The following ABHD2 variants were observed in gnomAD, a reference collection of about 807,000 sequenced individuals.
The protein encoded by ABHD2 is monoacylglycerol lipase ABHD2.
A neutral mutation model predicts 48.1 loss-of-function variants in ABHD2; 20 were observed. The ratio of observed to expected loss-of-function variants is 0.42; its 90% CI spans 0.29 to 0.60. The LOEUF (loss-of-function observed/expected upper bound fraction) is 0.60. Among genes scored for constraint, ABHD2 ranks in the 20% least tolerant of loss-of-function variants. The probability of loss-of-function intolerance (pLI) is 0.24; values close to 1 mark genes in which losing one functional copy is unlikely to be tolerated. For missense variants in ABHD2, 405 were observed against 550.9 expected, an observed-to-expected ratio of 0.74 and a Z score of 2.65; for synonymous variants, 209 against 214.2, an observed-to-expected ratio of 0.98 and a Z score of 0.21.
At chr15:89,077,117 C>T in the ABHD2 span, among the ~76,000 whole-genome samples, 3 of 152,216 alleles carry the variant, frequency 2.0e-5, no homozygotes, top group Non-Finnish European at 4.4e-5. Context: ...AGGAACAGGG[C>T]ATCACTGGCA....
chr15:89,061,245 C>T, the ABHD2 span, among the ~76,000 whole-genome samples: 1 of 152,078 alleles, frequency 6.6e-6, no homozygotes. Context: ...TGGTGAAACC[C>T]CATCTCTACT....
chr15:89,045,237 G>A, the ABHD2 span, among the ~76,000 whole-genome samples: 1 of 151,654 alleles, frequency 6.6e-6, no homozygotes, highest in East Asian at 1.9e-4. Context: ...TTATTTCTGA[G>A]GGCTCTGTTC....
At position 89,176,867 on chromosome 15, in the gene ABHD2, C is replaced by T. The variant is rs967281854; in HGVS notation, c.722+872C>T. 2.0e-5 allele frequency among the ~76,000 whole-genome samples: 3 copies of T among 152,210 alleles called. No homozygotes were observed. The highest frequency in any genetic ancestry group is 7.2e-5 in the African/African-American group (3 of 41,456). ...CCTATTGATCCAGTCTAATGCCAAA[C>T]AGTCCTTATCGTTATTCAAAGAATC... On this transcript the variant is annotated intron_variant, in intron 6 of 10. Coordinates refer to ENST00000352732, the MANE Select transcript of ABHD2 (RefSeq NM_152924.5). The surrounding 1 kb of genome is among the most constrained non-coding windows in gnomAD (Gnocchi z 4.5).
the ABHD2 span, among the ~76,000 whole-genome samples, chr15:89,045,534 A>G: frequency 1.3e-5 from 2 of 152,238 alleles, no homozygotes; most frequent in African/African-American, 4.8e-5. Context: ...ACTCATGAGC[A>G]TGGAGTGTTC....
intron 5 of ABHD2, among the ~76,000 whole-genome samples, chr15:89,157,259 A>G (rs2050689631): frequency 6.6e-6 from 1 of 152,236 alleles, no homozygotes; most frequent in Non-Finnish European, 1.5e-5. Flanking sequence ...TGCCCAGTAA[A>G]ATTGCAGAGT....
chr15:89,107,595 A>G (rs968278529), intron 1 of ABHD2, among the ~76,000 whole-genome samples: 1 of 152,212 alleles, frequency 6.6e-6, no homozygotes. Flanking sequence ...TTGTTTTAAA[A>G]TGCTCTTTAT....
chr15:89,166,949 C>G lies in ABHD2; in HGVS notation c.539-8863C>G, dbSNP rs2050846712. Among the ~76,000 whole-genome samples, 1 of 152,182 alleles carries G rather than the reference C, an allele frequency of 6.6e-6. No homozygotes were observed. The highest frequency in any genetic ancestry group is 1.5e-5 in the Non-Finnish European group (1 of 68,028). The stretch of plus-strand genomic sequence containing the variant: ...ATCTAATTACACATTCCAATTGAGA[C>G]ACTTTTGAGAGTAAAAAGGGACTTT... On this transcript the variant is annotated intron_variant, in intron 5 of 10. Transcript: ENST00000352732. This position sits in a 1 kb window ranked among gnomAD's most constrained non-coding sequence, Gnocchi z 4.6.
chr15:89,174,281 AC>A lies in ABHD2; in HGVS notation c.539-1529del, dbSNP rs2050975390. Among the ~76,000 whole-genome samples, 1 of 152,194 alleles carries A rather than the reference AC, an allele frequency of 6.6e-6. No homozygotes were observed. On this transcript the variant is annotated intron_variant, in intron 5 of 10. Coordinates refer to ENST00000352732, the MANE Select transcript of ABHD2 (RefSeq NM_152924.5). This position sits in a 1 kb window ranked among gnomAD's most constrained non-coding sequence, Gnocchi z 4.1. ...TTTTTAAAAAGAATATAGGAAACTT[AC>A]CTTTCACTCCATCTTTTACAGCATT...
At chr15:89,064,955 C>T in the ABHD2 span, among the ~76,000 whole-genome samples, 29 of 152,236 alleles carry the variant, frequency 1.9e-4, 1 homozygote, top group East Asian at 5.2e-3. Context: ...TCTCATCCCC[C>T]GAGAGGGATC....
In ABHD2 at chr15:89,114,270, G is replaced by C. The variant is rs2049921121; in HGVS notation, c.-7+446G>C. ...GCCACAGACCCTTTTTAGAGAATCT[G>C]ATTAAAGCTGCGAACCCTCTGCCCA... On this transcript the variant is annotated intron_variant, in intron 2 of 10. Coordinates refer to ENST00000352732, the MANE Select transcript of ABHD2 (RefSeq NM_152924.5). The surrounding 1 kb of genome is among the most constrained non-coding windows in gnomAD (Gnocchi z 4.2). Among the ~76,000 whole-genome samples, 1 of 152,146 alleles carries C rather than the reference G, an allele frequency of 6.6e-6. No homozygotes were observed. The highest frequency in any genetic ancestry group is 1.5e-5 in the Non-Finnish European group (1 of 68,028).
intron 3 of ABHD2, among the ~76,000 whole-genome samples, chr15:89,143,599 G>C (rs1339046194): frequency 1.3e-5 from 2 of 151,990 alleles, no homozygotes; most frequent in Admixed American, 6.6e-5. Context: ...CCCAGGAGGC[G>C]GAGGTTGCAG....
Position 89,201,063 on chromosome 15 carries a change from C to G in ABHD2, c.*5640C>G. 2.5e-6 allele frequency: 2 copies of G among 788,918 alleles called. No individual in the cohort carries two copies. Among genetic ancestry groups the G allele is most frequent in the Non-Finnish European group, 4.4e-6 (2 of 452,220 alleles). The allele number at this position is 788,918 out of a possible 1,614,324, so 48.9% of individuals were successfully genotyped here. A position where few individuals can be genotyped will look rare whatever the true frequency, so the allele number is the denominator to read the frequency against. ...CGCCTCTGCACTCCAGCCTGGGCAA[C>G]AAGAGTGAGACTCCGTCTCCAAAAA... On this transcript the variant is annotated 3_prime_UTR_variant, in exon 11 of 11. Transcript: ENST00000352732.
chr15:89,045,417 T>G, the ABHD2 span, among the ~76,000 whole-genome samples: 1 of 151,758 alleles, frequency 6.6e-6, no homozygotes, highest in Non-Finnish European at 1.5e-5. Context: ...TGAACTTTAG[T>G]TTTTTCCAAT....
intron 2 of ABHD2, among the ~76,000 whole-genome samples, chr15:89,115,668 A>G (rs2049948419): frequency 6.6e-6 from 1 of 152,208 alleles, no homozygotes; most frequent in Admixed American, 6.5e-5. Context: ...CTTAGTAGCC[A>G]GGATCGCTGC....
At chr15:89,121,823 A>C (rs1287456285) in intron 3 of ABHD2, among the ~76,000 whole-genome samples, 1 of 152,100 alleles carries the variant, frequency 6.6e-6, no homozygotes, top group Non-Finnish European at 1.5e-5. Context: ...AAGAAAACTT[A>C]AATAGCATCA....
At position 89,182,591 on chromosome 15, in the gene ABHD2, C is replaced by A. The variant is rs1008329339; in HGVS notation, c.723-2833C>A. 2.6e-5 allele frequency among the ~76,000 whole-genome samples: 4 copies of A among 152,102 alleles called. No homozygotes were observed. Among genetic ancestry groups the A allele is most frequent in the Non-Finnish European group, 4.4e-5 (3 of 68,010 alleles). On this transcript the variant is annotated intron_variant, in intron 6 of 10. Coordinates refer to ENST00000352732, the MANE Select transcript of ABHD2 (RefSeq NM_152924.5). The surrounding 1 kb of genome is among the most constrained non-coding windows in gnomAD (Gnocchi z 4.8). ...ATCACTTGAGGTCAGGAGTTCTAGA[C>A]CACCCTGGCCAACATGACGAAACCC...
At chr15:89,133,000 A>T (rs1277827025) in intron 3 of ABHD2, among the ~76,000 whole-genome samples, 1 of 152,232 alleles carries the variant, frequency 6.6e-6, no homozygotes, top group Non-Finnish European at 1.5e-5. Flanking sequence ...TGTTCCTCTG[A>T]CGGAAAGCTC....
At chr15:89,180,627 T>C (rs4932480) in intron 6 of ABHD2, among the ~76,000 whole-genome samples, 80,917 of 152,118 alleles carry the variant, frequency 0.53, 21,911 homozygotes, top group East Asian at 0.67. Context: ...TGGCTGGGTC[T>C]TTTGGGTCCA....
intron 3 of ABHD2, among the ~76,000 whole-genome samples, chr15:89,128,644 T>C (rs556901273): frequency 6.6e-5 from 10 of 152,228 alleles, no homozygotes; most frequent in African/African-American, 2.4e-4. Flanking sequence ...ACTGTGCCCT[T>C]TGATTTTGTT....
Sources: gnomAD v4.1 joint callset for allele counts (sites outside exome capture counted in the v4.1 genomes callset) on GRCh38, gnomAD v4.1.1 for gene constraint, Gnocchi (gnomAD v3.1) non-coding constraint, MANE v1.5 for transcripts, NCBI Gene and HGNC (gene_info 2026-07-23, HGNC 2026-07-21) for gene names.